The following SLC9A9 variants were observed in gnomAD, a reference collection of about 807,000 sequenced individuals.
SLC9A9 encodes solute carrier family 9 member A9.
Under a neutral mutation model 77.8 loss-of-function variants are expected in SLC9A9, and 62 were observed. The ratio of observed to expected loss-of-function variants is 0.80; its 90% CI spans 0.65 to 0.98. The LOEUF is 0.98. Ranked by LOEUF, SLC9A9 falls within the 50% of genes least tolerant of loss-of-function variation. The pLI is 0.00. For synonymous variants in SLC9A9, 320 were observed against 283.5 expected (o/e 1.13, Z -1.29); for missense variants, 775 against 774.9 (o/e 1.00, Z 0.00).
At chr3:143,530,810 T>C (rs2036498996) in intron 9 of SLC9A9, among the ~76,000 whole-genome samples, 1 of 152,218 alleles carries the variant, frequency 6.6e-6, no homozygotes, top group Admixed American at 6.5e-5. Flanking sequence ...CAGTGTCATA[T>C]TGGTGGCTAC....
chr3:143,434,649 C>T (rs990342995), intron 12 of SLC9A9, among the ~76,000 whole-genome samples: 14 of 152,160 alleles, frequency 9.2e-5, no homozygotes, highest in African/African-American at 3.1e-4. Context: ...GCCCATCCCC[C>T]CCATCTCACA....
intron 13 of SLC9A9, among the ~76,000 whole-genome samples, chr3:143,375,407 C>T (rs1032353753): frequency 6.6e-6 from 1 of 152,212 alleles, no homozygotes; most frequent in Non-Finnish European, 1.5e-5. Flanking sequence ...GTAATTTTCT[C>T]TGGTCAACAG....
At chr3:143,554,114 T>A (rs1239396776) in intron 8 of SLC9A9, among the ~76,000 whole-genome samples, 1 of 152,142 alleles carries the variant, frequency 6.6e-6, no homozygotes, top group East Asian at 1.9e-4. Context: ...TGTAGAGAAG[T>A]AGTGAATAAA....
At chr3:143,352,743 A>G (rs950852688) in intron 14 of SLC9A9, among the ~76,000 whole-genome samples, 1 of 152,254 alleles carries the variant, frequency 6.6e-6, no homozygotes, top group Non-Finnish European at 1.5e-5. Context: ...GCTCTAAAAT[A>G]GTTTTCAAAG....
At chr3:143,577,031 C>A (rs2037371413) in intron 7 of SLC9A9, among the ~76,000 whole-genome samples, 1 of 152,132 alleles carries the variant, frequency 6.6e-6, no homozygotes, top group Non-Finnish European at 1.5e-5. Context: ...TGATGCTTCC[C>A]CCGCAGTTCA....
intron 14 of SLC9A9, among the ~76,000 whole-genome samples, chr3:143,276,372 T>C (rs1938049450): frequency 6.6e-6 from 1 of 152,258 alleles, no homozygotes; most frequent in African/African-American, 2.4e-5. Flanking sequence ...ATTGGTGGTT[T>C]GTCTCTGCCC....
At chr3:143,409,956 C>T (rs10513200) in intron 12 of SLC9A9, among the ~76,000 whole-genome samples, 41,826 of 152,088 alleles carry the variant, frequency 0.28, 6,098 homozygotes, top group Non-Finnish European at 0.33. Flanking sequence ...AGTCATTGAA[C>T]AGCAACTGAG....
At chr3:143,422,893 T>C (rs922469651) in intron 12 of SLC9A9, among the ~76,000 whole-genome samples, 4 of 152,166 alleles carry the variant, frequency 2.6e-5, no homozygotes. Flanking sequence ...TCACAGCTAT[T>C]TACAGATGAA....
chr3:143,488,686 A>C (rs2035693937), intron 11 of SLC9A9, among the ~76,000 whole-genome samples: 1 of 151,978 alleles, frequency 6.6e-6, no homozygotes, highest in Non-Finnish European at 1.5e-5. Context: ...ATCATTTGAT[A>C]AAATTTAACA....
At chr3:143,341,433 C>T (rs1443717225) in intron 14 of SLC9A9, among the ~76,000 whole-genome samples, 2 of 152,106 alleles carry the variant, frequency 1.3e-5, no homozygotes, top group East Asian at 1.9e-4. Flanking sequence ...CATAGTCATA[C>T]AATGTAAATT....
chr3:143,448,959 AT>A (rs372519517), intron 12 of SLC9A9, among the ~76,000 whole-genome samples: 1 of 19,952 alleles, frequency 5.0e-5, no homozygotes, highest in Non-Finnish European at 6.4e-5. Flanking sequence ...ATATAATATA[AT>A]TATATAAATA....
intron 5 of SLC9A9, among the ~76,000 whole-genome samples, chr3:143,661,512 G>A (rs2038978104): frequency 6.6e-6 from 1 of 152,058 alleles, no homozygotes; most frequent in Admixed American, 6.5e-5. Context: ...TTTGTTTTGA[G>A]GAGACTAGCC....
chr3:143,766,049 T>C (rs1448486380), intron 4 of SLC9A9, among the ~76,000 whole-genome samples: 2 of 152,160 alleles, frequency 1.3e-5, no homozygotes, highest in Non-Finnish European at 2.9e-5. Context: ...ACAAGAAGAA[T>C]CACCCAGCAG....
intron 14 of SLC9A9, among the ~76,000 whole-genome samples, chr3:143,300,709 G>A (rs1051221990): frequency 6.6e-5 from 10 of 152,154 alleles, no homozygotes; most frequent in African/African-American, 1.9e-4. Flanking sequence ...TTAAAAGCCC[G>A]GAGTCTGATT....
chr3:143,399,340 T>C (rs186268075), intron 12 of SLC9A9, among the ~76,000 whole-genome samples: 18 of 152,280 alleles, frequency 1.2e-4, no homozygotes, highest in African/African-American at 3.6e-4. Flanking sequence ...TTATTCACCA[T>C]TGGGCTGAAG....
intron 9 of SLC9A9, among the ~76,000 whole-genome samples, chr3:143,513,027 C>T (rs909667029): frequency 1.6e-4 from 25 of 152,190 alleles, no homozygotes; most frequent in African/African-American, 6.0e-4. Flanking sequence ...TGTTTAATGG[C>T]TCCTGACTGA....
At chr3:143,490,895 T>C (rs2035732826) in intron 11 of SLC9A9, among the ~76,000 whole-genome samples, 1 of 152,206 alleles carries the variant, frequency 6.6e-6, no homozygotes, top group South Asian at 2.1e-4. Flanking sequence ...AAATCCAATG[T>C]TCTTTCCACC....
intron 3 of SLC9A9, among the ~76,000 whole-genome samples, chr3:143,795,661 C>T (rs945757883): frequency 2.6e-4 from 40 of 152,080 alleles, no homozygotes; most frequent in Non-Finnish European, 5.3e-4. Context: ...TACAGGAGGT[C>T]GAAGCTGCTG....
intron 9 of SLC9A9, among the ~76,000 whole-genome samples, chr3:143,500,374 T>C (rs1315768476): frequency 1.3e-5 from 2 of 152,166 alleles, no homozygotes; most frequent in Non-Finnish European, 2.9e-5. Context: ...GTAAGGTAAG[T>C]TATTAACTTT....
Sources: allele counts gnomAD v4.1 joint callset (sites outside exome capture counted in the v4.1 genomes callset), GRCh38; gene constraint gnomAD v4.1.1; transcripts MANE v1.5; gene names NCBI Gene and HGNC (gene_info 2026-07-23, HGNC 2026-07-21).